Variants in DLG2 observed in about 807,000 individuals in gnomAD.
DLG2 encodes disks large homolog 2.
DLG2 carries 45 observed loss-of-function variants against 132.5 expected under a neutral mutation model. The ratio of observed to expected loss-of-function variants is 0.34; its 90% confidence interval spans 0.27 to 0.44. The LOEUF (loss-of-function observed/expected upper bound fraction) is 0.44. Ranked by LOEUF, DLG2 falls within the 20% of genes least tolerant of loss-of-function variation. DLG2 has a pLI of 1.00. For synonymous variants in DLG2, 424 were observed against 419.6 expected (o/e 1.01, Z -0.13); for missense variants, 1,045 against 1,196.9 (o/e 0.87, Z 1.87).
chr11:85,343,077 C>T (rs2082606156), intron 3 of DLG2, among the ~76,000 whole-genome samples: 1 of 152,088 alleles, frequency 6.6e-6, no homozygotes, highest in Non-Finnish European at 1.5e-5. Flanking sequence ...AATAAATTTT[C>T]AATTCCTCTA....
At chr11:83,976,706 C>T (rs895885290) in intron 12 of DLG2, among the ~76,000 whole-genome samples, 4 of 151,776 alleles carry the variant, frequency 2.6e-5, no homozygotes, top group African/African-American at 9.7e-5. Flanking sequence ...GTCTTCCTTA[C>T]ATAAGAGAGG....
At chr11:85,132,223 T>C (rs1006901898) in intron 5 of DLG2, among the ~76,000 whole-genome samples, 3 of 152,192 alleles carry the variant, frequency 2.0e-5, no homozygotes, top group Non-Finnish European at 4.4e-5. Context: ...AGCTAAATAT[T>C]AAATATTGTG....
chr11:83,893,692 G>A (rs147201761), intron 15 of DLG2, among the ~76,000 whole-genome samples: 38 of 152,284 alleles, frequency 2.5e-4, no homozygotes, highest in Admixed American at 5.2e-4. Context: ...CCAATTGAGA[G>A]TATTGCTTCC....
chr11:84,850,985 A>G (rs988596861), intron 6 of DLG2, among the ~76,000 whole-genome samples: 1 of 152,160 alleles, frequency 6.6e-6, no homozygotes, highest in Non-Finnish European at 1.5e-5. Flanking sequence ...TACAAATTTC[A>G]TGCAATCTTT....
chr11:84,858,511 T>A (rs1893725), intron 6 of DLG2, among the ~76,000 whole-genome samples: 1,831 of 152,166 alleles, frequency 0.012, 66 homozygotes, highest in Admixed American at 0.073. Flanking sequence ...TTCTTACTGA[T>A]AGAGATGAAT....
intron 18 of DLG2, among the ~76,000 whole-genome samples, chr11:83,752,954 G>A (rs1326438521): frequency 6.6e-6 from 1 of 152,216 alleles, no homozygotes; most frequent in Non-Finnish European, 1.5e-5. Flanking sequence ...CAATGAGAAT[G>A]AGGAGAGTGT....
At chr11:85,404,510 G>T (rs1433584809) in intron 3 of DLG2, among the ~76,000 whole-genome samples, 1 of 151,916 alleles carries the variant, frequency 6.6e-6, no homozygotes, top group Non-Finnish European at 1.5e-5. Flanking sequence ...TCTGGGCAAG[G>T]ATTGGGCTCT....
intron 6 of DLG2, among the ~76,000 whole-genome samples, chr11:85,056,240 T>C (rs1234699031): frequency 6.6e-6 from 1 of 152,136 alleles, no homozygotes. Context: ...CTTTTCTGTA[T>C]AGATGTTATC....
intron 16 of DLG2, among the ~76,000 whole-genome samples, chr11:83,873,798 AG>A (rs1376005082): frequency 6.6e-6 from 1 of 151,930 alleles, no homozygotes; most frequent in Non-Finnish European, 1.5e-5. Context: ...TCAGCTCAAG[AG>A]TTACATCTTT....
chr11:84,933,770 A>G (rs1230234676), intron 6 of DLG2, among the ~76,000 whole-genome samples: 2 of 152,194 alleles, frequency 1.3e-5, no homozygotes, highest in Non-Finnish European at 2.9e-5. Flanking sequence ...GGCTGAGACT[A>G]TGGGGTTTTC....
chr11:84,784,079 C>T (rs943163344), intron 6 of DLG2, among the ~76,000 whole-genome samples: 7 of 142,274 alleles, frequency 4.9e-5, no homozygotes, highest in African/African-American at 1.8e-4. Flanking sequence ...GGGTGGATCG[C>T]CTGAGGTCAG....
intron 11 of DLG2, among the ~76,000 whole-genome samples, chr11:84,009,607 A>C (rs2094772004): frequency 6.6e-6 from 1 of 152,088 alleles, no homozygotes; most frequent in African/African-American, 2.4e-5. Context: ...AAAGTGAAGG[A>C]GGGAAGGGCC....
intron 6 of DLG2, among the ~76,000 whole-genome samples, chr11:84,996,575 G>T (rs1269860957): frequency 2.0e-5 from 3 of 152,110 alleles, no homozygotes; most frequent in African/African-American, 7.2e-5. Flanking sequence ...CTAGGCCAAG[G>T]TGGCCTACTT....
intron 8 of DLG2, among the ~76,000 whole-genome samples, chr11:84,229,948 T>G (rs1418932947): frequency 6.6e-6 from 1 of 152,208 alleles, no homozygotes; most frequent in Non-Finnish European, 1.5e-5. Flanking sequence ...TATAAACATT[T>G]AAGCTAGTCA....
chr11:84,283,553 A>G (rs978151506), intron 7 of DLG2, among the ~76,000 whole-genome samples: 3 of 152,232 alleles, frequency 2.0e-5, no homozygotes, highest in African/African-American at 7.2e-5. Flanking sequence ...TTAGTCCAAC[A>G]TACATTTGAC....
chr11:84,298,896 C>A (rs551067142), intron 7 of DLG2, among the ~76,000 whole-genome samples: 3 of 152,102 alleles, frequency 2.0e-5, no homozygotes, highest in Admixed American at 6.5e-5. Context: ...GGAGATGGAG[C>A]GGGAAATACA....
At chr11:84,176,872 CTCTTTTCTTT>C (rs5793113) in intron 8 of DLG2, among the ~76,000 whole-genome samples, 9 of 150,892 alleles carry the variant, frequency 6.0e-5, no homozygotes, top group African/African-American at 1.7e-4. Context: ...CTTGCTCTCT[CTCTTTTCTTT>C]TCTTTTCTTT....
chr11:84,500,031 GA>G (rs2099198698), intron 7 of DLG2, among the ~76,000 whole-genome samples: 1 of 151,970 alleles, frequency 6.6e-6, no homozygotes, highest in Non-Finnish European at 1.5e-5. Flanking sequence ...ATACGGAGAT[GA>G]AAAAAATAGA....
intron 3 of DLG2, among the ~76,000 whole-genome samples, chr11:85,386,743 C>T (rs1298767659): frequency 6.7e-6 from 1 of 148,770 alleles, no homozygotes; most frequent in Non-Finnish European, 1.5e-5. Flanking sequence ...GTAGCTGTGC[C>T]TACCACAGAG....
Sources: allele counts gnomAD v4.1 joint callset (sites outside exome capture counted in the v4.1 genomes callset), GRCh38; gene constraint gnomAD v4.1.1; transcripts MANE v1.5; gene names NCBI Gene and HGNC (gene_info 2026-07-23, HGNC 2026-07-21).